Variants in CPQ observed in about 807,000 individuals in gnomAD.
CPQ encodes carboxypeptidase Q.
Under a neutral mutation model 45.7 loss-of-function variants are expected in CPQ, and 37 were observed. The observed-to-expected ratio is 0.81, with a 90% CI of 0.62 to 1.07. The LOEUF (loss-of-function observed/expected upper bound fraction) is 1.07. CPQ is among the 50% of genes least tolerant of loss of function. The pLI is 0.00. For missense variants in CPQ, 537 were observed against 572.9 expected (o/e 0.94, Z 0.64); for synonymous variants, 186 against 205.8 (o/e 0.90, Z 0.82).
At chr8:96,827,813 G>T (rs1390677909) in intron 2 of CPQ, among the ~76,000 whole-genome samples, 1 of 152,010 alleles carries the variant, frequency 6.6e-6, no homozygotes, top group East Asian at 1.9e-4. Context: ...TATAGTGATA[G>T]GCATTTCTTG....
At chr8:96,925,148 C>A (rs954295616) in intron 4 of CPQ, among the ~76,000 whole-genome samples, 2 of 152,318 alleles carry the variant, frequency 1.3e-5, no homozygotes, top group Admixed American at 1.3e-4. Context: ...AAACACCTAT[C>A]AGGTTATGAA....
intron 5 of CPQ, among the ~76,000 whole-genome samples, chr8:96,974,358 C>G (rs935565310): frequency 4.6e-5 from 7 of 152,074 alleles, no homozygotes; most frequent in Non-Finnish European, 1.0e-4. Flanking sequence ...CACTGGAGAT[C>G]CCAAATTTAT....
chr8:97,133,400 GA>G (rs1223081413), intron 7 of CPQ: 1 of 152,114 alleles, frequency 6.6e-6, no homozygotes, highest in Non-Finnish European at 1.5e-5. Context: ...CATGAATGGG[GA>G]CTTTGTGAGT....
chr8:97,134,511 G>C (rs1812016280), intron 7 of CPQ, among the ~76,000 whole-genome samples: 1 of 152,174 alleles, frequency 6.6e-6, no homozygotes, highest in Admixed American at 6.5e-5. Flanking sequence ...TTCATCTTCT[G>C]CCCACTGTAT....
At chr8:96,669,169 C>T (rs1460904624) in intron 1 of CPQ, among the ~76,000 whole-genome samples, 2 of 152,326 alleles carry the variant, frequency 1.3e-5, no homozygotes, top group Admixed American at 1.3e-4. Flanking sequence ...CACCACATCC[C>T]CACTTGTGAT....
At chr8:96,908,055 C>T (rs1187770015) in intron 4 of CPQ, among the ~76,000 whole-genome samples, 1 of 151,838 alleles carries the variant, frequency 6.6e-6, no homozygotes, top group African/African-American at 2.4e-5. Context: ...CTCCACCTGT[C>T]CCTTCATTCT....
chr8:97,042,858 T>C (rs1810155783), intron 6 of CPQ, among the ~76,000 whole-genome samples: 1 of 152,328 alleles, frequency 6.6e-6, no homozygotes, highest in African/African-American at 2.4e-5. Context: ...AGACAGTTTG[T>C]TATAATTTCT....
chr8:96,697,960 A>C (rs1332535479), intron 1 of CPQ, among the ~76,000 whole-genome samples: 2 of 152,144 alleles, frequency 1.3e-5, no homozygotes, highest in Admixed American at 6.6e-5. Context: ...TGCAATCCCT[A>C]TCATGATACC....
At chr8:96,730,882 T>C (rs1424277992) in intron 1 of CPQ, among the ~76,000 whole-genome samples, 3 of 120,852 alleles carry the variant, frequency 2.5e-5, no homozygotes, top group South Asian at 2.6e-4. Context: ...TATATATATA[T>C]ATATATATAT....
intron 4 of CPQ, among the ~76,000 whole-genome samples, chr8:96,895,451 C>T (rs564834535): frequency 3.2e-4 from 49 of 152,156 alleles, no homozygotes; most frequent in Admixed American, 1.2e-3. Context: ...TTAAGTTATT[C>T]TAACAAATGG....
intron 4 of CPQ, among the ~76,000 whole-genome samples, chr8:96,961,852 A>C (rs1457178108): frequency 6.6e-6 from 1 of 152,162 alleles, no homozygotes; most frequent in Non-Finnish European, 1.5e-5. Context: ...TCATTTTCCT[A>C]AGAATGCACA....
At chr8:96,844,469 G>C (rs1811657474) in intron 3 of CPQ, among the ~76,000 whole-genome samples, 1 of 152,162 alleles carries the variant, frequency 6.6e-6, no homozygotes, top group Non-Finnish European at 1.5e-5. Context: ...TCTATTGTTG[G>C]CTCTCCCATT....
intron 6 of CPQ, chr8:97,056,285 C>A (rs1810455161): frequency 6.6e-6 from 1 of 152,152 alleles, no homozygotes; most frequent in South Asian, 2.1e-4. Flanking sequence ...ATTTGGAACT[C>A]ATCACCATAC....
intron 3 of CPQ, among the ~76,000 whole-genome samples, chr8:96,856,416 G>T (rs1004444160): frequency 6.6e-6 from 1 of 152,316 alleles, no homozygotes. Context: ...ACTCAAGAGT[G>T]ACTGCTAGGT....
At chr8:97,088,664 A>C (rs1196398478) in intron 7 of CPQ, among the ~76,000 whole-genome samples, 1 of 152,228 alleles carries the variant, frequency 6.6e-6, no homozygotes, top group East Asian at 1.9e-4. Flanking sequence ...CTGTTACCAC[A>C]GGACCCTCAC....
rs1318598768 is a variant in CPQ at position 96,698,386 on chromosome 8, A to G, written c.-35+52984A>G. ...AGACTTAAATCTAAGACCTAAAACCATGAAACTACTATAAGAAAATATTGG... is the reference window on the plus strand; with the variant it reads ...AGACTTAAATCTAAGACCTAAAACCGTGAAACTACTATAAGAAAATATTGG... On this transcript the variant is annotated intron_variant, in intron 1 of 7. Coordinates refer to ENST00000220763, the MANE Select transcript of CPQ (RefSeq NM_016134.4). Among the ~76,000 whole-genome samples the G allele has an allele frequency of 2.6e-5, 4 of 152,298 alleles. No individual in the cohort carries two copies. In the East Asian group the frequency reaches 7.7e-4, roughly 29 times the overall value.
chr8:96,832,003 T>C (rs1411086864), intron 2 of CPQ, among the ~76,000 whole-genome samples: 1 of 152,216 alleles, frequency 6.6e-6, no homozygotes. Context: ...CAAACATTTC[T>C]GTCACTGTAG....
intron 7 of CPQ, among the ~76,000 whole-genome samples, chr8:97,078,794 TC>T: frequency 6.6e-6 from 1 of 150,894 alleles, no homozygotes; most frequent in Admixed American, 6.6e-5. Flanking sequence ...TCTCTCTCTC[TC>T]TCTCTCTCTC....
chr8:96,902,343 G>A (rs1414505309), intron 4 of CPQ, among the ~76,000 whole-genome samples: 1 of 152,154 alleles, frequency 6.6e-6, no homozygotes, highest in Non-Finnish European at 1.5e-5. Context: ...GCACAAAGAG[G>A]CCAAATAAAT....
Sources: gnomAD v4.1 joint callset for allele counts (sites outside exome capture counted in the v4.1 genomes callset) on GRCh38, gnomAD v4.1.1 for gene constraint, MANE v1.5 for transcripts, NCBI Gene and HGNC (gene_info 2026-07-23, HGNC 2026-07-21) for gene names.